The following AATF variants were observed in gnomAD, a reference collection of about 807,000 sequenced individuals.
AATF encodes protein AATF.
A neutral mutation model predicts 63.7 loss-of-function variants in AATF; 48 were observed. The ratio of observed to expected loss-of-function variants is 0.75; its 90% CI spans 0.60 to 0.96. The LOEUF (loss-of-function observed/expected upper bound fraction) is 0.96. AATF is among the 40% of genes least tolerant of loss of function. The pLI, the probability that AATF is intolerant of heterozygous loss-of-function variation, is 0.00. For synonymous variants in AATF, 258 were observed against 247.7 expected (o/e 1.04, Z -0.39); for missense variants, 639 against 685.7 (o/e 0.93, Z 0.76).
intron 8 of AATF, among the ~76,000 whole-genome samples, chr17:37,017,756 T>A (rs1046662925): frequency 6.6e-6 from 1 of 152,216 alleles, no homozygotes; most frequent in African/African-American, 2.4e-5. Flanking sequence ...CCTTTTCCCT[T>A]TTGCAATAAA....
At chr17:37,018,444 G>A (rs985729717) in intron 8 of AATF, among the ~76,000 whole-genome samples, 1 of 152,224 alleles carries the variant, frequency 6.6e-6, no homozygotes, top group African/African-American at 2.4e-5. Flanking sequence ...GGTATCATGT[G>A]TGGCTAAAGC....
intron 4 of AATF, among the ~76,000 whole-genome samples, chr17:36,985,223 G>A (rs1355877805): frequency 6.6e-6 from 1 of 151,822 alleles, no homozygotes; most frequent in Non-Finnish European, 1.5e-5. Flanking sequence ...GAGATTATAG[G>A]CATAAGCACT....
intron 8 of AATF, among the ~76,000 whole-genome samples, chr17:36,991,867 G>A (rs890167448): frequency 6.6e-6 from 1 of 152,158 alleles, no homozygotes; most frequent in African/African-American, 2.4e-5. Context: ...TTACAGGCTT[G>A]AGCCACTGCA....
chr17:36,963,802 T>C (rs1179249481), intron 4 of AATF, among the ~76,000 whole-genome samples: 1 of 152,210 alleles, frequency 6.6e-6, no homozygotes, highest in Non-Finnish European at 1.5e-5. Flanking sequence ...CTGACTTATC[T>C]AGCAACATGG....
chr17:37,019,020 A>G lies in AATF; in HGVS notation c.1414A>G (p.Ile472Val). ...TTTCCCCTAGCTCCTTCGAGAACTC[A>G]TAGAACGGAAGACCAGCTCCTTGGA... Reference protein sequence around the residue: ...DFYHQLLRELIERKTSSLDPN... With the variant: ...DFYHQLLRELVERKTSSLDPN... Residue 472 changes from isoleucine to valine, a missense_variant, in exon 9 of 12, where the codon ATA (isoleucine) becomes GTA (valine). Physicochemically the swap from Ile to Val is conservative, Grantham distance 29. Transcript: ENST00000619387. 2 of 1,614,144 alleles carry G rather than the reference A, an allele frequency of 1.2e-6. No homozygotes were observed. Among genetic ancestry groups the G allele is most frequent in the South Asian group, 1.1e-5 (1 of 91,084 alleles).
At chr17:37,031,142 T>A (rs2071548657) in intron 10 of AATF, among the ~76,000 whole-genome samples, 1 of 152,170 alleles carries the variant, frequency 6.6e-6, no homozygotes, top group Non-Finnish European at 1.5e-5. Context: ...ATCAGTGGAT[T>A]CAACCAACCA....
chr17:37,013,519 C>A (rs771314836), intron 8 of AATF, among the ~76,000 whole-genome samples: 1 of 152,134 alleles, frequency 6.6e-6, no homozygotes, highest in Non-Finnish European at 1.5e-5. Flanking sequence ...GCAGAGATCA[C>A]GTGGCAAGAG....
chr17:37,017,456 A>T (rs952426758), intron 8 of AATF, among the ~76,000 whole-genome samples: 6 of 152,144 alleles, frequency 3.9e-5, no homozygotes, highest in African/African-American at 1.4e-4. Flanking sequence ...GCAGTGTTAC[A>T]TAGGTTTACT....
At chr17:37,010,393 G>C (rs1171735069) in intron 8 of AATF, among the ~76,000 whole-genome samples, 1 of 152,216 alleles carries the variant, frequency 6.6e-6, no homozygotes, top group East Asian at 1.9e-4. Context: ...AGAAGGCGGA[G>C]CTTGCAGTGA....
intron 10 of AATF, among the ~76,000 whole-genome samples, chr17:37,026,276 C>T (rs1201192909): frequency 6.6e-6 from 1 of 152,190 alleles, no homozygotes; most frequent in Non-Finnish European, 1.5e-5. Context: ...AAAATTATTA[C>T]AGAACAAAAA....
chr17:36,958,388 A>G (rs573965046), intron 4 of AATF, among the ~76,000 whole-genome samples: 2 of 152,068 alleles, frequency 1.3e-5, no homozygotes, highest in South Asian at 4.2e-4. Flanking sequence ...GCTGGTCCTA[A>G]ACTCCTGATC....
At chr17:37,046,207 A>G (rs1434559132) in intron 11 of AATF, among the ~76,000 whole-genome samples, 7 of 152,242 alleles carry the variant, frequency 4.6e-5, no homozygotes, top group Admixed American at 4.6e-4. Flanking sequence ...CTTGGGTGTC[A>G]GAAGAGCCTT....
chr17:37,029,684 G>A (rs965565530), intron 10 of AATF, among the ~76,000 whole-genome samples: 1 of 152,052 alleles, frequency 6.6e-6, no homozygotes, highest in Non-Finnish European at 1.5e-5. Flanking sequence ...TCCTGCCTCA[G>A]CCTCCCTATT....
intron 11 of AATF, chr17:37,055,627 A>C (rs2071791826): frequency 6.6e-6 from 1 of 152,218 alleles, no homozygotes; most frequent in African/African-American, 2.4e-5. Flanking sequence ...CTCCTGGCCC[A>C]TGACCTCAGC....
chr17:36,977,915 A>G (rs1228857140), intron 4 of AATF, among the ~76,000 whole-genome samples: 1 of 152,174 alleles, frequency 6.6e-6, no homozygotes, highest in Non-Finnish European at 1.5e-5. Context: ...GATCAGCTAG[A>G]TTGCTGTGTC....
At chr17:36,981,243 A>G (rs994270991) in intron 4 of AATF, among the ~76,000 whole-genome samples, 8 of 152,124 alleles carry the variant, frequency 5.3e-5, no homozygotes, top group South Asian at 2.1e-4. Flanking sequence ...CTTTTGTTGG[A>G]TATTTTCACA....
intron 1 of AATF, among the ~76,000 whole-genome samples, chr17:36,949,914 C>T (rs2070839548): frequency 6.6e-6 from 1 of 152,162 alleles, no homozygotes; most frequent in Admixed American, 6.5e-5. Context: ...GAGGGGAGAA[C>T]GTGATGACTG....
intron 10 of AATF, among the ~76,000 whole-genome samples, chr17:37,030,588 T>C (rs1320742163): frequency 6.6e-6 from 1 of 152,218 alleles, no homozygotes; most frequent in East Asian, 1.9e-4. Flanking sequence ...AAATATTTTT[T>C]TTTCCATTTG....
chr17:36,996,373 A>G (rs1380552471), intron 8 of AATF, among the ~76,000 whole-genome samples: 2 of 152,198 alleles, frequency 1.3e-5, no homozygotes, highest in East Asian at 1.9e-4. Context: ...GGTCGAAGCT[A>G]CGGTGAGCCA....
Sources: gnomAD v4.1 joint callset for allele counts (sites outside exome capture counted in the v4.1 genomes callset) on GRCh38, gnomAD v4.1.1 for gene constraint, MANE v1.5 for transcripts, NCBI Gene and HGNC (gene_info 2026-07-23, HGNC 2026-07-21) for gene names.